The following MARK2 variants were observed in gnomAD, a reference collection of about 807,000 sequenced individuals.
MARK2 encodes the protein microtubule affinity regulating kinase 2.
Under a neutral mutation model 89.8 loss-of-function variants are expected in MARK2, and 16 were observed. That is an observed-to-expected ratio of 0.18 (90% CI 0.12 to 0.27). The LOEUF is 0.27. Ranked by LOEUF, MARK2 falls within the 10% of genes least tolerant of loss-of-function variation. The probability of loss-of-function intolerance (pLI) is 1.00; values close to 1 mark genes in which losing one functional copy is unlikely to be tolerated. For missense variants in MARK2, 621 were observed against 1,049.9 expected (o/e 0.59, Z 5.65); for synonymous variants, 382 against 399.5 (o/e 0.96, Z 0.52).
chr11:63,890,971 G>A (rs149265274), intron 1 of MARK2, among the ~76,000 whole-genome samples: 53 of 152,198 alleles, frequency 3.5e-4, no homozygotes, highest in African/African-American at 1.2e-3. Flanking sequence ...GCCACTGGTC[G>A]TTTTTTGGGT....
At chr11:63,908,850 T>G (rs78432923) in intron 18 of MARK2, 27 bp from the exon 19 acceptor site, 3 of 1,419,226 alleles carry the variant, frequency 2.1e-6, no homozygotes, top group Non-Finnish European at 2.8e-6. Flanking sequence ...AGCCCCCCCG[T>G]GACGCCCGCC....
chr11:63,898,449 CT>C (rs1940596071), intron 4 of MARK2, among the ~76,000 whole-genome samples, 158 bp from the exon 5 acceptor site: 1 of 152,128 alleles, frequency 6.6e-6, no homozygotes, highest in African/African-American at 2.4e-5. Flanking sequence ...ACTGGGCTGT[CT>C]TTAGCAGTTT....
intron 1 of MARK2, among the ~76,000 whole-genome samples, chr11:63,868,181 C>T (rs1236563981): frequency 6.6e-6 from 1 of 152,008 alleles, no homozygotes; most frequent in East Asian, 1.9e-4. Flanking sequence ...TGCTTGAGTC[C>T]AGGAGTTTGA....
intron 1 of MARK2, among the ~76,000 whole-genome samples, chr11:63,856,948 A>G (rs1179987745): frequency 6.7e-6 from 1 of 149,910 alleles, no homozygotes; most frequent in African/African-American, 2.5e-5. Context: ...GCTGGGAGGG[A>G]CTACAGGCGC....
At chr11:63,882,353 C>G (rs920776698) in intron 1 of MARK2, among the ~76,000 whole-genome samples, 13 of 152,062 alleles carry the variant, frequency 8.5e-5, no homozygotes, top group African/African-American at 2.9e-4. Flanking sequence ...GGAGGCCGAG[C>G]TGGGCGGATC....
At chr11:63,905,304 T>G (rs1205348862) in intron 16 of MARK2, among the ~76,000 whole-genome samples, 2 of 152,148 alleles carry the variant, frequency 1.3e-5, no homozygotes, top group Non-Finnish European at 2.9e-5. Context: ...CGATGCCGCC[T>G]CCTCTCTAGG....
At chr11:63,889,473 A>C (rs1302229904) in intron 1 of MARK2, among the ~76,000 whole-genome samples, 1 of 152,194 alleles carries the variant, frequency 6.6e-6, no homozygotes, top group South Asian at 2.1e-4. Flanking sequence ...AACTGTTGGT[A>C]GGAGCCTCCA....
rs965609648 is a variant in MARK2, at chr11:63,850,230, C to T, written c.54+10670C>T. Among the ~76,000 whole-genome samples, 4 of 151,990 alleles carry T rather than the reference C, an allele frequency of 2.6e-5. No homozygotes were observed. In the South Asian group the frequency reaches 8.3e-4, roughly 31 times the overall value. ...GTAGCACCATCTTGGCTCACTGTGA[C>T]CTCCACCTCCCAGGTTCAAGCGATT... On this transcript the variant is annotated intron_variant, in intron 1 of 18. Transcript: ENST00000402010.
chr11:63,867,078 G>A (rs1369923833), intron 1 of MARK2, among the ~76,000 whole-genome samples: 2 of 152,224 alleles, frequency 1.3e-5, no homozygotes, highest in Non-Finnish European at 1.5e-5. Context: ...CCAGGCTGGA[G>A]TGCAGTGGCA....
chr11:63,866,667 G>T (rs183735442), intron 1 of MARK2, among the ~76,000 whole-genome samples: 237 of 152,282 alleles, frequency 1.6e-3, no homozygotes, highest in Admixed American at 2.8e-3. Context: ...GTACAGGAAA[G>T]ATTTTAAATA....
intron 1 of MARK2, chr11:63,890,382 G>T: frequency 1.4e-6 from 1 of 706,310 alleles, no homozygotes; most frequent in South Asian, 1.5e-5. Flanking sequence ...TGGAGCAGGG[G>T]ATCAAAGAGC....
Position 63,879,379 on chromosome 11 carries a change from A to G in MARK2, c.55-15780A>G, listed in dbSNP as rs191063607. On this transcript the variant is annotated intron_variant, in intron 1 of 18. Transcript: ENST00000402010. Reference sequence around the variant, plus strand: ...TATCACACAAGTAAGTTGTCCTCCTATATGCCAAATGACAGAAAAGAAGCA... The same window carrying G: ...TATCACACAAGTAAGTTGTCCTCCTGTATGCCAAATGACAGAAAAGAAGCA... Among the ~76,000 whole-genome samples the G allele has an allele frequency of 1.9e-3, 293 of 152,140 alleles. 4 individuals carry two copies. The highest frequency in any genetic ancestry group is 6.7e-3 in the African/African-American group (277 of 41,514).
In MARK2 at chr11:63,870,391, G is replaced by A. The variant is rs1045659802; in HGVS notation, c.55-24768G>A. The stretch of plus-strand genomic sequence containing the variant: ...CCCGGCTGGGAATGATTTAAAAGTC[G>A]GCACCAGCATTCTAGCCCTGACCCA... On this transcript the variant is annotated intron_variant, in intron 1 of 18. Transcript: ENST00000402010. Among the ~76,000 whole-genome samples, 5 of 152,204 alleles carry A rather than the reference G, an allele frequency of 3.3e-5. No individual in the cohort carries two copies. The East Asian group carries it at 5.8e-4, about 18-fold the overall frequency.
At chr11:63,853,945 T>C (rs553822654) in intron 1 of MARK2, among the ~76,000 whole-genome samples, 1 of 152,312 alleles carries the variant, frequency 6.6e-6, no homozygotes, top group South Asian at 2.1e-4. Flanking sequence ...TGATCTGTGC[T>C]CACTGCCACC....
intron 1 of MARK2, among the ~76,000 whole-genome samples, chr11:63,859,406 C>T (rs769781776): frequency 2.6e-5 from 4 of 151,558 alleles, no homozygotes; most frequent in Admixed American, 6.6e-5. Flanking sequence ...GGCAACCCTC[C>T]GCCTCACAGG....
At chr11:63,906,928 G>T (rs913350511) in intron 17 of MARK2, among the ~76,000 whole-genome samples, 1 of 151,998 alleles carries the variant, frequency 6.6e-6, no homozygotes. Context: ...AGTGCGGGGA[G>T]CTGGGACATT....
rs1941665714 is a variant in MARK2 at position 63,910,240 on chromosome 11, T to C, written c.*1003T>C. 6.6e-6 allele frequency: 1 copy of C among 152,642 alleles called. No homozygotes were observed. Among genetic ancestry groups the C allele is most frequent in the African/African-American group, 2.4e-5 (1 of 41,482 alleles). 9.5% of individuals were successfully genotyped at this position (152,642 alleles called of 1,614,324 possible). On this transcript the variant is annotated 3_prime_UTR_variant, in exon 19 of 19. Transcript: ENST00000402010. ...TCCTCTCCCCATGGCTTCCCCTTCA[T>C]TGGCATTAATCTGGGCACCAGCTCT...
At chr11:63,857,653 A>G (rs1000328967) in intron 1 of MARK2, among the ~76,000 whole-genome samples, 4 of 152,350 alleles carry the variant, frequency 2.6e-5, no homozygotes, top group Admixed American at 6.5e-5. Context: ...ATTGATACAT[A>G]TTTAAATTTT....
rs1940252211 is a variant in MARK2, at chr11:63,895,044, G to T, written c.55-115G>T. On this transcript the variant is annotated intron_variant, in intron 1 of 18. Coordinates refer to ENST00000402010, the MANE Select transcript of MARK2 (RefSeq NM_001039469.3). ...TCTGCTGCCATATCATTCTTCACATGCCTACCAGCCCCCTGGAATCTGCCC... is the reference window on the plus strand; with the variant it reads ...TCTGCTGCCATATCATTCTTCACATTCCTACCAGCCCCCTGGAATCTGCCC... 3 of 753,008 alleles carry T rather than the reference G, an allele frequency of 4.0e-6. No homozygotes were observed. In the South Asian group the frequency reaches 5.5e-5, roughly 14 times the overall value. The allele number at this position is 753,008 out of a possible 1,614,324, so 46.6% of individuals were successfully genotyped here.
Sources: gnomAD v4.1 joint callset for allele counts (sites outside exome capture counted in the v4.1 genomes callset) on GRCh38, gnomAD v4.1.1 for gene constraint, MANE v1.5 for transcripts, NCBI Gene and HGNC (gene_info 2026-07-23, HGNC 2026-07-21) for gene names.